ZC3H13: variants seen among roughly 807,000 people sequenced by gnomAD.
The protein encoded by ZC3H13 is zinc finger CCCH domain-containing protein 13.
Under a neutral mutation model 204.1 loss-of-function variants are expected in ZC3H13, and 64 were observed. That is an observed-to-expected ratio of 0.31 (90% confidence interval 0.26 to 0.39). The LOEUF (loss-of-function observed/expected upper bound fraction) is 0.39, where lower values mean the gene tolerates loss of function less well. ZC3H13 is among the 10% of genes least tolerant of loss of function. The pLI is 1.00. For missense variants in ZC3H13, 1,833 were observed against 2,082.7 expected (o/e 0.88, Z 2.33); for synonymous variants, 667 against 693.7 (o/e 0.96, Z 0.60).
In ZC3H13 at chr13:45,985,733, C is replaced by T. The variant is rs769247925; in HGVS notation, c.1284G>A (p.Lys428=). 1.1e-5 allele frequency: 18 copies of T among 1,611,096 alleles called. No individual in the cohort carries two copies. The highest frequency in any genetic ancestry group is 1.5e-5 in the Non-Finnish European group (18 of 1,178,978). ...CATATTCTCGTTCTTCTCTTGAGTC[C>T]TTTTCTCTGTCTCGTTTGCCCCTAG... ...EDTRGKRDRE[K]DSREEREYEQ... The change falls in exon 10 of 19, where the codon AAG becomes AAA. Residue 428 remains lysine (K), a synonymous_variant. Coordinates refer to ENST00000679008, the MANE Select transcript of ZC3H13 (RefSeq NM_001330564.2).
At chr13:46,046,761 T>A (rs922667330) in intron 1 of ZC3H13, among the ~76,000 whole-genome samples, 1 of 151,996 alleles carries the variant, frequency 6.6e-6, no homozygotes, top group African/African-American at 2.4e-5. Context: ...TCCAATGACA[T>A]AATTGGGTAA....
At chr13:46,022,428 C>G (rs2042273817) in intron 4 of ZC3H13, among the ~76,000 whole-genome samples, 1 of 151,792 alleles carries the variant, frequency 6.6e-6, no homozygotes, top group Non-Finnish European at 1.5e-5. Flanking sequence ...TATGTTATGC[C>G]TTTTATCAAA....
chr13:46,002,478 TAGC>T (rs2040820320), intron 8 of ZC3H13, among the ~76,000 whole-genome samples: 1 of 152,160 alleles, frequency 6.6e-6, no homozygotes, highest in African/African-American at 2.4e-5. Context: ...TTCATGCTCA[TAGC>T]AGCACTATCA....
At chr13:46,048,546 A>C (rs1014981652) in intron 1 of ZC3H13, among the ~76,000 whole-genome samples, 7 of 125,126 alleles carry the variant, frequency 5.6e-5, no homozygotes, top group Non-Finnish European at 1.1e-4. Context: ...GCGCCACTGC[A>C]CTCCAGCCTG....
chr13:46,015,025 T>C (rs928570423), intron 5 of ZC3H13, among the ~76,000 whole-genome samples: 2 of 152,210 alleles, frequency 1.3e-5, no homozygotes, highest in African/African-American at 4.8e-5. Context: ...CATTTTGATA[T>C]ATACTTTGGT....
Position 45,975,308 on chromosome 13 carries a change from C to A in ZC3H13, c.2443G>T (p.Asp815Tyr). The change falls in exon 12 of 19, where the codon GAT (aspartate) becomes TAT (tyrosine). Residue 815 changes from aspartate to tyrosine, a missense_variant. Around this residue, in one of 5 missense-constraint regions of ZC3H13, gnomAD observed 1,574 missense variants for 1,757.2 expected, o/e 0.90. Coordinates refer to ENST00000679008, the MANE Select transcript of ZC3H13 (RefSeq NM_001330564.2). The stretch of plus-strand genomic sequence containing the variant: ...TTTGATTTTCTTTCATCATGTCCAT[C>A]TCTTGGATTCCTATCTTCTCGGATC... ...EEIREDRNPRDGHDERKSKKR... is the reference protein window; with the variant it reads ...EEIREDRNPRYGHDERKSKKR... 6.2e-7 allele frequency: 1 copy of A among 1,612,074 alleles called. No individual in the cohort carries two copies. Among genetic ancestry groups the A allele is most frequent in the Non-Finnish European group, 8.5e-7 (1 of 1,178,474 alleles).
chr13:46,050,117 T>G (rs1593853868), intron 1 of ZC3H13, among the ~76,000 whole-genome samples: 1 of 151,728 alleles, frequency 6.6e-6, no homozygotes, highest in East Asian at 1.9e-4. Flanking sequence ...TCTTTTCAAT[T>G]AAAAAAGAAA....
intron 1 of ZC3H13, among the ~76,000 whole-genome samples, chr13:46,048,594 A>AC (rs1328909006): frequency 3.9e-4 from 59 of 151,124 alleles, no homozygotes; most frequent in African/African-American, 1.3e-3. Flanking sequence ...AAAAAAAAAA[A>AC]AAAAAAAAAA....
Position 45,955,720 on chromosome 13 carries a change from G to A in ZC3H13, c.*1407C>T, listed in dbSNP as rs1951242439. 1 of 151,936 alleles carries A rather than the reference G, an allele frequency of 6.6e-6. No individual in the cohort carries two copies. Among genetic ancestry groups the A allele is most frequent in the Admixed American group, 6.6e-5 (1 of 15,264 alleles). 9.4% of individuals were successfully genotyped at this position (151,936 alleles called of 1,614,324 possible). On this transcript the variant is annotated 3_prime_UTR_variant, in exon 19 of 19. Transcript: ENST00000679008. ...CACTTAGTAAAGGAAAAGGACACAA[G>A]GAAATTCTGATTAAAGTCTTCTCCT...
chr13:45,963,078 G>A, intron 17 of ZC3H13: 1 of 983,642 alleles, frequency 1.0e-6, no homozygotes, highest in Non-Finnish European at 1.2e-6. Flanking sequence ...ACTGTTCTAA[G>A]TGTTTTGCCT....
intron 4 of ZC3H13, among the ~76,000 whole-genome samples, chr13:46,033,481 A>G (rs376136357): frequency 7.0e-6 from 1 of 143,188 alleles, no homozygotes; most frequent in African/African-American, 2.7e-5. Context: ...CAGGGACCAA[A>G]ATTTTCAGCA....
chr13:46,048,405 GTC>G (rs1406902968), intron 1 of ZC3H13, among the ~76,000 whole-genome samples: 3 of 151,644 alleles, frequency 2.0e-5, no homozygotes, highest in Non-Finnish European at 4.4e-5. Context: ...GTGAAACCCT[GTC>G]TCTACTAAAA....
rs1593599229 is a variant in ZC3H13 at position 45,997,938 on chromosome 13, A to G, written c.944+5201T>C. Among the ~76,000 whole-genome samples the G allele has an allele frequency of 1.3e-5, 2 of 152,292 alleles. 1 individual carries two copies. The highest frequency in any genetic ancestry group is 1.3e-4 in the Admixed American group (2 of 15,298). On this transcript the variant is annotated intron_variant, in intron 8 of 18. Transcript: ENST00000679008. ...TATATTACTTCTACCTGTACTAACA[A>G]AACTTTTGGAAACACTTTTGCTCAC...
intron 8 of ZC3H13, among the ~76,000 whole-genome samples, chr13:45,997,192 T>C (rs1427318550): frequency 6.6e-6 from 1 of 152,174 alleles, no homozygotes; most frequent in East Asian, 1.9e-4. Context: ...ACTGATGACA[T>C]TCATTTAAGG....
chr13:46,007,885 T>TA (rs2041264366), intron 7 of ZC3H13, among the ~76,000 whole-genome samples: 1 of 152,176 alleles, frequency 6.6e-6, no homozygotes, highest in Admixed American at 6.5e-5. Flanking sequence ...TACAAAGAGC[T>TA]ATAAAGAAAA....
In ZC3H13 at chr13:45,969,221, G is replaced by A. The variant is rs750819937; in HGVS notation, c.3323C>T (p.Ala1108Val). Residue 1108 changes from alanine to valine, a missense_variant, in exon 14 of 19, where the codon GCT becomes GTT. Ala to Val is a moderately conservative substitution (Grantham distance 64). Transcript: ENST00000679008. ...AGGCACAGTTGTAGCAGTGGCAGTA[G>A]CCACAGGCGGTGGAGGAGGAAGAAG... ...SSLLPPPPPV[A>V]TATATTVPAT... The A allele has an allele frequency of 1.2e-6, 2 of 1,614,056 alleles. No homozygotes were observed. The highest frequency in any genetic ancestry group is 8.5e-7 in the Non-Finnish European group (1 of 1,179,970).
chr13:46,014,481 C>G (rs2041789524), intron 5 of ZC3H13, among the ~76,000 whole-genome samples: 1 of 152,122 alleles, frequency 6.6e-6, no homozygotes, highest in African/African-American at 2.4e-5. Context: ...GGATTAAAAA[C>G]TATAAATACT....
At chr13:45,964,524 G>A (rs770265660) in intron 16 of ZC3H13, among the ~76,000 whole-genome samples, 2 of 152,188 alleles carry the variant, frequency 1.3e-5, no homozygotes, top group African/African-American at 2.4e-5. Context: ...CATCCACTGC[G>A]AAGGAACAGT....
chr13:45,967,181 CTTAT>C (rs892191151), intron 15 of ZC3H13, among the ~76,000 whole-genome samples: 3 of 152,112 alleles, frequency 2.0e-5, no homozygotes, highest in Non-Finnish European at 1.5e-5. Flanking sequence ...TTTTTGTAAT[CTTAT>C]TTTTTTAACA....
Sources: gnomAD v4.1 joint callset for allele counts (sites outside exome capture counted in the v4.1 genomes callset) on GRCh38, gnomAD v4.1.1 for gene constraint, gnomAD v4.1.1 regional missense constraint, MANE v1.5 for transcripts, NCBI Gene and HGNC (gene_info 2026-07-23, HGNC 2026-07-21) for gene names.